Variants in TESC observed in about 807,000 individuals in gnomAD.
TESC encodes tescalcin.
Under a neutral mutation model 31.0 loss-of-function variants are expected in TESC, and 19 were observed. That is an observed-to-expected ratio of 0.61 (90% CI 0.43 to 0.90). The LOEUF (loss-of-function observed/expected upper bound fraction) is 0.90. TESC is among the 40% of genes least tolerant of loss of function. The probability of loss-of-function intolerance (pLI) is 0.00; values close to 1 mark genes in which losing one functional copy is unlikely to be tolerated. For missense variants in TESC, 248 were observed against 303.8 expected (o/e 0.82, Z 1.36); for synonymous variants, 109 against 114.8 (o/e 0.95, Z 0.32).
chr12:117,041,914 G>C, intron 7 of TESC, 33 bp downstream of exon 7: 16 of 1,563,218 alleles, frequency 1.0e-5, no homozygotes, highest in Admixed American at 1.9e-5. Context: ...GTCTTCAAGG[G>C]TCCCCCGAGG....
At chr12:117,059,074 T>C (rs1338709178) in intron 2 of TESC, among the ~76,000 whole-genome samples, 1 of 152,172 alleles carries the variant, frequency 6.6e-6, no homozygotes, top group African/African-American at 2.4e-5. Flanking sequence ...GCAGAGGGTA[T>C]CAGCCCACTG....
chr12:117,080,338 C>T (rs1318958856), intron 1 of TESC, among the ~76,000 whole-genome samples: 2 of 151,914 alleles, frequency 1.3e-5, no homozygotes, highest in African/African-American at 2.4e-5. Context: ...CGTGGTGGGG[C>T]GCACCTGTAA....
intron 6 of TESC, 91 bp from the exon 7 acceptor site, chr12:117,042,085 C>A: frequency 1.5e-6 from 2 of 1,305,550 alleles, no homozygotes; most frequent in South Asian, 1.3e-5. Context: ...CCCTCCCCAC[C>A]AATACCCAAA....
chr12:117,060,311 T>C (rs1954785180), intron 2 of TESC, among the ~76,000 whole-genome samples: 1 of 152,086 alleles, frequency 6.6e-6, no homozygotes, highest in Non-Finnish European at 1.5e-5. Flanking sequence ...TTGGGGGTGA[T>C]TGAGAGGGAA....
intron 1 of TESC, among the ~76,000 whole-genome samples, chr12:117,080,689 C>G (rs1192965300): frequency 6.6e-6 from 1 of 152,194 alleles, no homozygotes; most frequent in African/African-American, 2.4e-5. Flanking sequence ...ACACCCCAGG[C>G]CCTGGCAGGT....
intron 2 of TESC, among the ~76,000 whole-genome samples, chr12:117,063,492 C>T (rs960220775): frequency 1.3e-5 from 2 of 152,108 alleles, no homozygotes; most frequent in Non-Finnish European, 2.9e-5. Context: ...GGTTGGTTTC[C>T]GGTGGCTTTC....
chr12:117,042,975 C>CA (rs1954506894), intron 6 of TESC, among the ~76,000 whole-genome samples: 1 of 151,870 alleles, frequency 6.6e-6, no homozygotes, highest in African/African-American at 2.4e-5. Context: ...CAACCTCAGG[C>CA]AAAAATGGGT....
chr12:117,073,746 A>G (rs954191032), intron 2 of TESC, among the ~76,000 whole-genome samples: 3 of 151,994 alleles, frequency 2.0e-5, no homozygotes, highest in African/African-American at 4.8e-5. Context: ...TTCCCCATGA[A>G]CTCTGTGTGA....
At chr12:117,041,036 G>T (rs1194158817) in intron 7 of TESC, among the ~76,000 whole-genome samples, 1 of 152,146 alleles carries the variant, frequency 6.6e-6, no homozygotes, top group Admixed American at 6.5e-5. Context: ...GGGGGATGGG[G>T]GGAGGGGGAT....
At chr12:117,090,359 T>C (rs1408530921) in intron 1 of TESC, among the ~76,000 whole-genome samples, 1 of 152,190 alleles carries the variant, frequency 6.6e-6, no homozygotes, top group Non-Finnish European at 1.5e-5. Context: ...ATGTCCAAGA[T>C]AGCAGACATA....
chr12:117,042,932 G>A (rs1208847726), intron 6 of TESC, among the ~76,000 whole-genome samples: 1 of 152,108 alleles, frequency 6.6e-6, no homozygotes, highest in African/African-American at 2.4e-5. Flanking sequence ...CAAGGTCATC[G>A]CCAAGGTCTG....
chr12:117,075,438 C>G (rs533442946), intron 1 of TESC, 98 bp from the exon 2 acceptor site: 32 of 1,259,690 alleles, frequency 2.5e-5, no homozygotes, highest in Non-Finnish European at 3.4e-5. Context: ...TCCCCACTGG[C>G]TGCCACACCC....
intron 2 of TESC, 115 bp downstream of exon 2, chr12:117,075,155 TA>T (rs1955030624): frequency 4.5e-6 from 5 of 1,112,858 alleles, no homozygotes; most frequent in Admixed American, 4.7e-5. Context: ...CCAAAATAAA[TA>T]AAAAATAAAA....
intron 2 of TESC, among the ~76,000 whole-genome samples, chr12:117,067,118 G>A (rs887264949): frequency 2.0e-5 from 3 of 152,100 alleles, no homozygotes; most frequent in Middle Eastern, 6.3e-3. Flanking sequence ...ACCGTAGCAG[G>A]TTTTCCTCTT....
intron 6 of TESC, among the ~76,000 whole-genome samples, chr12:117,045,100 T>G (rs1335301753): frequency 1.3e-5 from 2 of 152,200 alleles, no homozygotes; most frequent in Middle Eastern, 3.2e-3. Context: ...CAGCTCGGTC[T>G]GGGTTTATCT....
intron 3 of TESC, among the ~76,000 whole-genome samples, chr12:117,051,930 A>G (rs961881475): frequency 1.3e-5 from 2 of 152,186 alleles, no homozygotes; most frequent in African/African-American, 4.8e-5. Flanking sequence ...TTTTTTAAAT[A>G]AAAGTTTATT....
intron 2 of TESC, among the ~76,000 whole-genome samples, chr12:117,067,442 A>G (rs946502946): frequency 6.6e-6 from 1 of 152,016 alleles, no homozygotes; most frequent in Non-Finnish European, 1.5e-5. Flanking sequence ...GGTGATACAC[A>G]TCTGTGGCCC....
At chr12:117,087,533 C>T (rs1472114841) in intron 1 of TESC, among the ~76,000 whole-genome samples, 1 of 152,206 alleles carries the variant, frequency 6.6e-6, no homozygotes, top group Admixed American at 6.5e-5. Flanking sequence ...TTAGAATCTA[C>T]TCTTCTCTCA....
In TESC at chr12:117,039,221, C is replaced by T. The variant is rs117335000; in HGVS notation, c.568-11G>A. 6,423 of 1,612,082 alleles carry T rather than the reference C, an allele frequency of 4.0e-3. 239 individuals are homozygous for T. In the Admixed American group the frequency reaches 0.073, roughly 18 times the overall value. On this transcript the variant is annotated splice_polypyrimidine_tract_variant and intron_variant, in intron 7 of 7. Transcript: ENST00000335209. ...GATCCCCTGCCAGATCTGGAAGGGACGGAGCAGCGTTAAGGGCACGTTCCC... is the reference window on the plus strand; with the variant it reads ...GATCCCCTGCCAGATCTGGAAGGGATGGAGCAGCGTTAAGGGCACGTTCCC...
Sources: allele counts gnomAD v4.1 joint callset (sites outside exome capture counted in the v4.1 genomes callset), GRCh38; gene constraint gnomAD v4.1.1; transcripts MANE v1.5; gene names NCBI Gene and HGNC (gene_info 2026-07-23, HGNC 2026-07-21).